CTTNBP2: variants seen among roughly 807,000 people sequenced by gnomAD.
The protein encoded by CTTNBP2 is cortactin binding protein 2, also known as cortactin-binding protein 2.
A neutral mutation model predicts 156.9 loss-of-function variants in CTTNBP2; 108 were observed. That is an observed-to-expected ratio of 0.69 (90% CI 0.59 to 0.81). The LOEUF (loss-of-function observed/expected upper bound fraction) is 0.81. Among genes scored for constraint, CTTNBP2 ranks in the 30% least tolerant of loss-of-function variants. The pLI is 0.00. For synonymous variants in CTTNBP2, 767 were observed against 751.8 expected, an observed-to-expected ratio of 1.02 and a Z score of -0.33; for missense variants, 1,924 against 2,035.4, an observed-to-expected ratio of 0.95 and a Z score of 1.05.
In CTTNBP2 at chr7:117,757,912, C is replaced by T. The variant is rs993524603; in HGVS notation, c.3231G>A (p.Arg1077=). The change falls in exon 11 of 23, where the codon AGG becomes AGA. Residue 1077 remains arginine, a synonymous_variant. Transcript: ENST00000160373. ...SFAQSPWDFM[R]KNKAEHITVL... ...CAGTGATGTGCTCTGCCTTATTCTT[C>T]CTCATAAAGTCCCACGGGGACTGCG... is the stretch of plus-strand genomic sequence containing the variant. 3.7e-6 allele frequency: 6 copies of T among 1,613,406 alleles called. No individual in the cohort carries two copies. Among genetic ancestry groups the T allele is most frequent in the Middle Eastern group, 3.3e-4 (2 of 6,058 alleles).
intron 9 of CTTNBP2, among the ~76,000 whole-genome samples, chr7:117,761,106 G>A (rs1350098003): frequency 6.6e-6 from 1 of 152,100 alleles, no homozygotes; most frequent in Non-Finnish European, 1.5e-5. Flanking sequence ...TGGACAGGTC[G>A]GGATGCTTAG....
intron 19 of CTTNBP2, among the ~76,000 whole-genome samples, chr7:117,723,020 TAC>T: frequency 6.6e-6 from 1 of 152,322 alleles, no homozygotes. Context: ...TAATCCTTGC[TAC>T]AGAAAGTCAT....
intron 2 of CTTNBP2, among the ~76,000 whole-genome samples, chr7:117,854,434 C>T (rs1019402374): frequency 2.0e-5 from 3 of 152,170 alleles, no homozygotes; most frequent in African/African-American, 7.2e-5. Flanking sequence ...TACTCTGTAG[C>T]ATACTCTGCG....
At chr7:117,858,473 C>A (rs553982239) in intron 2 of CTTNBP2, among the ~76,000 whole-genome samples, 1 of 152,320 alleles carries the variant, frequency 6.6e-6, no homozygotes, top group African/African-American at 2.4e-5. Flanking sequence ...TTATGCATGC[C>A]ATATCTGTGG....
chr7:117,834,699 CACTTT>C (rs1159594441), intron 2 of CTTNBP2, among the ~76,000 whole-genome samples: 1 of 152,208 alleles, frequency 6.6e-6, no homozygotes, highest in Non-Finnish European at 1.5e-5. Context: ...TAAATGAACA[CACTTT>C]ACTTTTTAGT....
At chr7:117,828,667 T>C (rs908848159) in intron 2 of CTTNBP2, among the ~76,000 whole-genome samples, 3 of 152,244 alleles carry the variant, frequency 2.0e-5, no homozygotes, top group Non-Finnish European at 4.4e-5. Flanking sequence ...TTTGTGTTTG[T>C]TCACATTGAT....
intron 3 of CTTNBP2, among the ~76,000 whole-genome samples, chr7:117,801,266 G>C (rs555841801): frequency 1.7e-4 from 26 of 152,244 alleles, no homozygotes; most frequent in African/African-American, 6.3e-4. Flanking sequence ...CCACAAATTA[G>C]TTATTAATAC....
Position 117,810,848 on chromosome 7 carries a change from G to A in CTTNBP2, c.331C>T (p.Leu111Phe). Reference sequence around the variant, plus strand: ...TTGCAGTGGGCCATGACTGCTTCAAGGATGGAGAGGGGGTTGGTACAAACT... The same window carrying A: ...TTGCAGTGGGCCATGACTGCTTCAAAGATGGAGAGGGGGTTGGTACAAACT... ...KPVCTNPLSI[L>F]EAVMAHCKKM... Residue 111 changes from leucine to phenylalanine, a missense_variant, in exon 3 of 23, where the codon CTT (leucine) becomes TTT (phenylalanine). Transcript: ENST00000160373. The A allele has an allele frequency of 3.1e-6, 5 of 1,614,086 alleles. No homozygotes were observed. Among genetic ancestry groups the A allele is most frequent in the Non-Finnish European group, 4.2e-6 (5 of 1,180,008 alleles).
At chr7:117,830,783 T>C (rs1371790531) in intron 2 of CTTNBP2, among the ~76,000 whole-genome samples, 1 of 152,214 alleles carries the variant, frequency 6.6e-6, no homozygotes, top group Non-Finnish European at 1.5e-5. Flanking sequence ...AGCTGCCTGC[T>C]CTGCACAGAA....
Position 117,792,674 on chromosome 7 carries a change from C to T in CTTNBP2, c.522G>A (p.Leu174=). 1 of 1,614,008 alleles carries T rather than the reference C, an allele frequency of 6.2e-7. No homozygotes were observed. The change falls in exon 4 of 23, where the codon CTG becomes CTA. Residue 174 remains leucine (L), a synonymous_variant. Coordinates refer to ENST00000160373, the MANE Select transcript of CTTNBP2 (RefSeq NM_033427.3). The surrounding 1 kb of genome is among the most constrained non-coding windows in gnomAD (Gnocchi z 4.2). ...RGKNKQVVLM[L]VKECKQLSGK... is the part of the protein sequence containing the mutation. ...CTGAGAGCTGCTTGCACTCTTTGACCAGCATCAGGACCACCTGCTTGTTCT... is the reference window on the plus strand; with the variant it reads ...CTGAGAGCTGCTTGCACTCTTTGACTAGCATCAGGACCACCTGCTTGTTCT...
intron 9 of CTTNBP2, among the ~76,000 whole-genome samples, chr7:117,763,555 C>CTTTTTTTTTTTTTT (rs767309488): frequency 1.9e-5 from 2 of 103,452 alleles, no homozygotes; most frequent in Non-Finnish European, 3.8e-5. Context: ...TCTTCTTCTT[C>CTTTTTTTTTTTTTT]TTTTTTTTTT....
At chr7:117,817,368 A>ATATATATATATATG (rs1800677842) in intron 2 of CTTNBP2, among the ~76,000 whole-genome samples, 1 of 111,052 alleles carries the variant, frequency 9.0e-6, no homozygotes, top group African/African-American at 3.3e-5. Context: ...AAAAATATAT[A>ATATATATATATATG]TATATATATA....
chr7:117,733,086 A>C (rs1408887798), intron 16 of CTTNBP2, among the ~76,000 whole-genome samples: 6 of 152,198 alleles, frequency 3.9e-5, no homozygotes, highest in Non-Finnish European at 8.8e-5. Flanking sequence ...ATTTTCTTGT[A>C]TCTCTCCAAG....
At chr7:117,787,200 T>G (rs573949028) in intron 4 of CTTNBP2, among the ~76,000 whole-genome samples, 6 of 152,162 alleles carry the variant, frequency 3.9e-5, no homozygotes, top group Non-Finnish European at 8.8e-5. Flanking sequence ...GTTAAGAGGT[T>G]AAATAGTGGT....
chr7:117,731,434 G>T (rs1354711998), intron 16 of CTTNBP2, among the ~76,000 whole-genome samples: 1 of 152,140 alleles, frequency 6.6e-6, no homozygotes, highest in Non-Finnish European at 1.5e-5. Context: ...ATCCTACACA[G>T]ATAGACAGTT....
At chr7:117,817,361 A>ATAAATAAATAAATATATATATATATAT (rs1298639361) in intron 2 of CTTNBP2, among the ~76,000 whole-genome samples, 12 of 53,284 alleles carry the variant, frequency 2.3e-4, no homozygotes, top group Non-Finnish European at 3.7e-4. Context: ...AAAAAAAAAA[A>ATAAATAAATAAATATATATATATATAT]ATATATATAT....
intron 22 of CTTNBP2, among the ~76,000 whole-genome samples, chr7:117,714,679 A>G (rs1023310236): frequency 2.6e-5 from 4 of 152,208 alleles, no homozygotes; most frequent in African/African-American, 9.6e-5. Context: ...AACTAAAAAC[A>G]TGTAGTTTGG....
chr7:117,871,960 CT>C, intron 1 of CTTNBP2: 3 of 985,320 alleles, frequency 3.0e-6, no homozygotes, highest in Non-Finnish European at 3.6e-6. Flanking sequence ...AGAGCCTTGT[CT>C]CAATAGCTAG....
At chr7:117,803,777 G>C (rs1799765791) in intron 3 of CTTNBP2, among the ~76,000 whole-genome samples, 1 of 152,116 alleles carries the variant, frequency 6.6e-6, no homozygotes, top group Admixed American at 6.5e-5. Context: ...ACTGCAGGGA[G>C]AAGAGAGCCA....
Sources: gnomAD v4.1 joint callset for allele counts (sites outside exome capture counted in the v4.1 genomes callset) on GRCh38, gnomAD v4.1.1 for gene constraint, Gnocchi (gnomAD v3.1) non-coding constraint, MANE v1.5 for transcripts, NCBI Gene and HGNC (gene_info 2026-07-23, HGNC 2026-07-21) for gene names.